The following SPACA3 variants were observed in gnomAD, a reference collection of about 807,000 sequenced individuals.
The protein encoded by SPACA3 is sperm acrosome associated 3, also known as sperm acrosome membrane-associated protein 3.
In SPACA3, 21 loss-of-function variants were observed where a neutral mutation model predicts 24.5. The ratio of observed to expected loss-of-function variants is 0.86; its 90% CI spans 0.61 to 1.24. SPACA3 has a LOEUF of 1.24. Among genes scored for constraint, SPACA3 ranks in the 50% most tolerant of loss-of-function variants. SPACA3 has a pLI of 0.00. For missense variants in SPACA3, 278 were observed against 275.5 expected (o/e 1.01, Z -0.06); for synonymous variants, 115 against 106.9 (o/e 1.08, Z -0.47).
intron 3 of SPACA3, 52 bp from the exon 4 acceptor site, chr17:32,997,393 A>G: frequency 1.4e-6 from 2 of 1,458,950 alleles, no homozygotes; most frequent in Admixed American, 1.7e-5. Context: ...ACACACACAC[A>G]CACCTGGATG....
chr17:32,997,099 G>T (rs28959), intron 3 of SPACA3, 98 bp downstream of exon 3: 21,982 of 1,374,068 alleles, frequency 0.016, 204 homozygotes, highest in Non-Finnish European at 0.019. Flanking sequence ...CTGAGTGAGG[G>T]TTCCCCCACA....
chr17:32,996,464 G>A (rs1392178065), intron 2 of SPACA3, among the ~76,000 whole-genome samples: 1 of 147,936 alleles, frequency 6.8e-6, no homozygotes, highest in Non-Finnish European at 1.5e-5. Flanking sequence ...ACTGCAGCCT[G>A]GGCAACAGAG....
intron 1 of SPACA3, chr17:32,992,789 T>C (rs1023517897): frequency 4.6e-6 from 2 of 431,956 alleles, no homozygotes; most frequent in African/African-American, 2.1e-5. Flanking sequence ...TGCTGAAACA[T>C]AACGTGTGAA....
intron 1 of SPACA3, among the ~76,000 whole-genome samples, chr17:32,993,803 T>C (rs555793227): frequency 6.6e-6 from 1 of 152,022 alleles, no homozygotes; most frequent in Admixed American, 6.5e-5. Flanking sequence ...AGAAAGTCTC[T>C]ACGAGCAGGG....
At chr17:32,992,763 G>T in intron 1 of SPACA3, 1 of 403,636 alleles carries the variant, frequency 2.5e-6, no homozygotes, top group Non-Finnish European at 5.0e-6. Context: ...GTCATTGTGA[G>T]AGAACAAGGT....
chr17:32,993,310 C>T lies in SPACA3; in HGVS notation c.34+1338C>T, dbSNP rs1029059200. Among the ~76,000 whole-genome samples, 50 of 152,158 alleles carry T rather than the reference C, an allele frequency of 3.3e-4. 1 individual carries two copies. The highest frequency in any genetic ancestry group is 6.2e-4 in the Non-Finnish European group (42 of 68,032). On this transcript the variant is annotated intron_variant, in intron 1 of 4. Transcript: ENST00000269053. Reference sequence around the variant, plus strand: ...GCCTCTGAGGTCTTGGGGAAGATGCCACAGGGGTTGCCAGCCTTCAGGCGG... The same window carrying T: ...GCCTCTGAGGTCTTGGGGAAGATGCTACAGGGGTTGCCAGCCTTCAGGCGG...
intron 1 of SPACA3, among the ~76,000 whole-genome samples, chr17:32,993,475 C>T (rs1231191316): frequency 6.6e-6 from 1 of 152,038 alleles, no homozygotes; most frequent in Non-Finnish European, 1.5e-5. Context: ...GGAGAGTCAG[C>T]CAGAGAGGGA....
chr17:32,997,248 A>G (rs2091727638), intron 3 of SPACA3, among the ~76,000 whole-genome samples, 197 bp from the exon 4 acceptor site: 2 of 151,528 alleles, frequency 1.3e-5, no homozygotes, highest in South Asian at 2.1e-4. Context: ...ATGGAGGGGG[A>G]GAGGGATAGG....
rs777218850 is a variant in SPACA3, at chr17:32,997,782, G to A, written c.*4G>A. On this transcript the variant is annotated 3_prime_UTR_variant, in exon 5 of 5. Coordinates refer to ENST00000269053, the MANE Select transcript of SPACA3 (RefSeq NM_173847.5). ...GGTGGATGGCTGTGACTTCTAGGATGGACGGAACCATGCACAGCAGGCTGG... is the reference window on the plus strand; with the variant it reads ...GGTGGATGGCTGTGACTTCTAGGATAGACGGAACCATGCACAGCAGGCTGG... 6.2e-7 allele frequency: 1 copy of A among 1,614,176 alleles called. No individual in the cohort carries two copies. Among genetic ancestry groups the A allele is most frequent in the Admixed American group, 1.7e-5 (1 of 60,030 alleles).
At chr17:32,995,985 C>T (rs12450553) in intron 2 of SPACA3, among the ~76,000 whole-genome samples, 1 of 152,194 alleles carries the variant, frequency 6.6e-6, no homozygotes, top group East Asian at 1.9e-4. Context: ...GCTCAGTCCC[C>T]TAAACTTAAC....
At chr17:32,997,344 TAG>T (rs111922885) in intron 3 of SPACA3, 99 bp from the exon 4 acceptor site, 4,641 of 562,742 alleles carry the variant, frequency 8.2e-3, no homozygotes, top group Admixed American at 0.017. Context: ...TGTGTGTGTG[TAG>T]AGAGAGAGAG....
intron 1 of SPACA3, among the ~76,000 whole-genome samples, chr17:32,993,350 G>A (rs1475003435): frequency 2.6e-5 from 4 of 152,214 alleles, no homozygotes; most frequent in Non-Finnish European, 5.9e-5. Context: ...TAACAGCAGG[G>A]CTGCCCAGGG....
intron 3 of SPACA3, 101 bp from the exon 4 acceptor site, chr17:32,997,344 T>TGTGTGTGTGTAGAG (rs140846693): frequency 0.023 from 13,568 of 599,504 alleles, 132 homozygotes; most frequent in African/African-American, 0.031. Context: ...TGTGTGTGTG[T>TGTGTGTGTGTAGAG]AGAGAGAGAG....
intron 1 of SPACA3, among the ~76,000 whole-genome samples, chr17:32,994,502 T>G (rs190321306): frequency 6.6e-6 from 1 of 152,096 alleles, no homozygotes; most frequent in Non-Finnish European, 1.5e-5. Context: ...GGGACACCAA[T>G]TGGCACAAAC....
intron 1 of SPACA3, chr17:32,993,082 T>A (rs1399032959): frequency 2.6e-6 from 1 of 383,700 alleles, no homozygotes; most frequent in Non-Finnish European, 5.3e-6. Context: ...TGGTTGGAAC[T>A]GGGTGAAAGA....
rs2091691258 is a variant in SPACA3, at chr17:32,991,856, T to C, written c.-83T>C. On this transcript the variant is annotated 5_prime_UTR_variant, in exon 1 of 5. Transcript: ENST00000269053. The stretch of plus-strand genomic sequence containing the variant: ...TCCCCATTGTTCTCTTAACACTGGG[T>C]GCCTGGGGCCCTGGCAAGGTTGTGG... 1 of 1,595,806 alleles carries C rather than the reference T, an allele frequency of 6.3e-7. No homozygotes were observed. The highest frequency in any genetic ancestry group is 1.7e-5 in the Admixed American group (1 of 59,808).
In SPACA3 at chr17:32,997,832, A is replaced by C; in HGVS notation, c.*54A>C. The C allele has an allele frequency of 6.3e-7, 1 of 1,577,072 alleles. No individual in the cohort carries two copies. The highest frequency in any genetic ancestry group is 8.7e-7 in the Non-Finnish European group (1 of 1,146,322). The stretch of plus-strand genomic sequence containing the variant: ...GGAAATGTGGTTTGGTTCCTGACCT[A>C]GGCTTGGGAAGACAAGCCAGCGAAT... On this transcript the variant is annotated 3_prime_UTR_variant, in exon 5 of 5. Coordinates refer to ENST00000269053, the MANE Select transcript of SPACA3 (RefSeq NM_173847.5).
intron 3 of SPACA3, 134 bp downstream of exon 3, chr17:32,997,135 G>A: frequency 1.9e-6 from 2 of 1,063,548 alleles, no homozygotes; most frequent in Middle Eastern, 3.1e-4. Context: ...GGAGGAGAGG[G>A]AGATGGGACA....
At chr17:32,992,051 A>ACAAG in intron 1 of SPACA3, 79 bp downstream of exon 1, 2 of 1,529,488 alleles carry the variant, frequency 1.3e-6, no homozygotes, top group Non-Finnish European at 8.9e-7. Context: ...GTGGAGAAAA[A>ACAAG]CAAGGTGGTG....
Sources: gnomAD v4.1 joint callset for allele counts (sites outside exome capture counted in the v4.1 genomes callset) on GRCh38, gnomAD v4.1.1 for gene constraint, MANE v1.5 for transcripts, NCBI Gene and HGNC (gene_info 2026-07-23, HGNC 2026-07-21) for gene names.